The following KLF8 variants were observed in gnomAD, a reference collection of about 807,000 sequenced individuals.
KLF8 encodes KLF transcription factor 8.
A neutral mutation model predicts 18.2 loss-of-function variants in KLF8; 10 were observed. The observed-to-expected ratio is 0.55, with a 90% CI of 0.34 to 0.93. KLF8 has a LOEUF of 0.93. Ranked by LOEUF, KLF8 falls within the 40% of genes least tolerant of loss-of-function variation. The probability of loss-of-function intolerance (pLI) is 0.02; values close to 1 mark genes in which losing one functional copy is unlikely to be tolerated. For missense variants in KLF8, 264 were observed against 277.9 expected, an observed-to-expected ratio of 0.95 and a Z score of 0.36; for synonymous variants, 109 against 97.3, an observed-to-expected ratio of 1.12 and a Z score of -0.71.
At chrX:56,188,551 C>CT in the KLF8 span, among the ~76,000 whole-genome samples, 1 of 111,671 alleles carries the variant, frequency 9.0e-6, no homozygotes, top group Non-Finnish European at 1.9e-5. Flanking sequence ...AAAAAAGAGA[C>CT]GCATCACCAA....
the KLF8 span, among the ~76,000 whole-genome samples, chrX:55,975,001 T>C: frequency 1.5e-4 from 17 of 112,215 alleles, no homozygotes; most frequent in Non-Finnish European, 2.8e-4. Flanking sequence ...TTAAAAATTA[T>C]ATTTGTAGCT....
At chrX:56,274,322 T>G (rs2067094676) in intron 5 of KLF8, among the ~76,000 whole-genome samples, 1 of 112,390 alleles carries the variant, frequency 8.9e-6, no homozygotes, top group Non-Finnish European at 1.9e-5. Flanking sequence ...TTGATAAATG[T>G]CTTTTCAGCT....
chrX:56,191,574 C>A, the KLF8 span, among the ~76,000 whole-genome samples: 1 of 111,164 alleles, frequency 9.0e-6, no homozygotes, highest in African/African-American at 3.2e-5. Flanking sequence ...AGAAAGAATT[C>A]AACAATAGAT....
At chrX:56,069,747 G>A in the KLF8 span, among the ~76,000 whole-genome samples, 10 of 111,230 alleles carry the variant, frequency 9.0e-5, no homozygotes, top group Non-Finnish European at 1.5e-4. Context: ...AGTCATGCCC[G>A]GCTTCCTGCC....
At chrX:56,175,743 G>C in the KLF8 span, among the ~76,000 whole-genome samples, 331 of 111,282 alleles carry the variant, frequency 3.0e-3, 3 homozygotes, top group African/African-American at 0.011. Context: ...AGGTCTCTTT[G>C]TAGGTCTCTA....
At chrX:56,079,780 T>A in the KLF8 span, among the ~76,000 whole-genome samples, 4 of 110,385 alleles carry the variant, frequency 3.6e-5, no homozygotes, top group African/African-American at 1.3e-4. Flanking sequence ...TGTGTGGGAG[T>A]CTAAGTCTCT....
chrX:55,916,381 G>T, the KLF8 span, among the ~76,000 whole-genome samples: 16 of 111,798 alleles, frequency 1.4e-4, no homozygotes, highest in East Asian at 3.6e-3. Flanking sequence ...AGAATATGTA[G>T]GGTTGACTGT....
At chrX:55,921,613 A>T in the KLF8 span, among the ~76,000 whole-genome samples, 1 of 112,127 alleles carries the variant, frequency 8.9e-6, no homozygotes, top group Non-Finnish European at 1.9e-5. Context: ...AAAAATTGAC[A>T]AATGGGATCT....
At chrX:56,004,647 T>C in the KLF8 span, among the ~76,000 whole-genome samples, 1 of 111,472 alleles carries the variant, frequency 9.0e-6, no homozygotes, top group Admixed American at 9.5e-5. Flanking sequence ...AATCATGCCC[T>C]CTTTCCTCAT....
At chrX:56,051,083 A>C in the KLF8 span, among the ~76,000 whole-genome samples, 1 of 110,076 alleles carries the variant, frequency 9.1e-6, no homozygotes, top group African/African-American at 3.3e-5. Context: ...AGAGACTAGG[A>C]TTGCAACCCC....
At chrX:55,923,530 G>C in the KLF8 span, among the ~76,000 whole-genome samples, 2 of 111,106 alleles carry the variant, frequency 1.8e-5, no homozygotes, top group Admixed American at 1.9e-4. Flanking sequence ...ACTAACTAAA[G>C]GAAACAAGAA....
At chrX:56,280,976 T>C (rs2067193575) in intron 5 of KLF8, among the ~76,000 whole-genome samples, 1 of 112,007 alleles carries the variant, frequency 8.9e-6, no homozygotes, top group African/African-American at 3.2e-5. Flanking sequence ...AATTTTAATG[T>C]ACAACTTTGA....
intron 1 of KLF8, among the ~76,000 whole-genome samples, chrX:56,245,818 C>A (rs974954855): frequency 1.8e-5 from 2 of 111,834 alleles, no homozygotes; most frequent in Non-Finnish European, 3.8e-5. Flanking sequence ...CTCTCTTAGG[C>A]ACTTAGAGCA....
chrX:56,201,392 C>T, the KLF8 span, among the ~76,000 whole-genome samples: 3 of 111,278 alleles, frequency 2.7e-5, no homozygotes, highest in Admixed American at 9.6e-5. Flanking sequence ...CACAATTATT[C>T]GATGAATCTA....
the KLF8 span, among the ~76,000 whole-genome samples, chrX:56,175,444 G>T: frequency 2.7e-5 from 3 of 112,027 alleles, no homozygotes; most frequent in Non-Finnish European, 5.6e-5. Context: ...TAGTTTGATT[G>T]CACTGTGGTC....
chrX:56,201,562 A>G, the KLF8 span, among the ~76,000 whole-genome samples: 1 of 111,450 alleles, frequency 9.0e-6, no homozygotes, highest in Admixed American at 9.6e-5. Context: ...TCAGTACTGT[A>G]TTGTAGTTAA....
the KLF8 span, among the ~76,000 whole-genome samples, chrX:56,090,097 G>A: frequency 2.6e-4 from 29 of 111,917 alleles, no homozygotes; most frequent in African/African-American, 8.7e-4. Flanking sequence ...AATCATCTGT[G>A]CAGGTCACAG....
the KLF8 span, among the ~76,000 whole-genome samples, chrX:56,082,403 A>G: frequency 4.5e-5 from 5 of 110,131 alleles, no homozygotes; most frequent in Non-Finnish European, 9.5e-5. Context: ...TTGAAGAATC[A>G]ACTATTGGTT....
At chrX:56,183,313 A>G in the KLF8 span, among the ~76,000 whole-genome samples, 1 of 112,112 alleles carries the variant, frequency 8.9e-6, no homozygotes, top group Non-Finnish European at 1.9e-5. Context: ...ACTAAGACTG[A>G]TGGAAAAGTG....
Sources: gnomAD v4.1 joint callset for allele counts (sites outside exome capture counted in the v4.1 genomes callset) on GRCh38, gnomAD v4.1.1 for gene constraint, MANE v1.5 for transcripts, NCBI Gene and HGNC (gene_info 2026-07-23, HGNC 2026-07-21) for gene names.